QKI: variants seen among roughly 807,000 people sequenced by gnomAD.
QKI encodes KH domain-containing RNA-binding protein QKI.
QKI carries 10 observed loss-of-function variants against 39.0 expected under a neutral mutation model. The ratio of observed to expected loss-of-function variants is 0.26; its 90% CI spans 0.16 to 0.43. The LOEUF is 0.43. QKI is among the 20% of genes least tolerant of loss of function. The probability of loss-of-function intolerance (pLI) is 1.00; values close to 1 mark genes in which losing one functional copy is unlikely to be tolerated. For synonymous variants in QKI, 204 were observed against 155.4 expected, an observed-to-expected ratio of 1.31 and a Z score of -2.33; for missense variants, 218 against 428.0, an observed-to-expected ratio of 0.51 and a Z score of 4.33.
At chr6:163,525,301 T>TCC (rs1403544850) in intron 3 of QKI, among the ~76,000 whole-genome samples, 3 of 145,272 alleles carry the variant, frequency 2.1e-5, no homozygotes, top group Non-Finnish European at 4.5e-5. Context: ...TCTCTCTCTC[T>TCC]CCCCTCTCTC....
intron 1 of QKI, among the ~76,000 whole-genome samples, chr6:163,436,014 T>G (rs765266648): frequency 1.3e-5 from 2 of 152,186 alleles, no homozygotes; most frequent in Non-Finnish European, 2.9e-5. Flanking sequence ...CTATTTAAAG[T>G]GTTTAATCCA....
intron 3 of QKI, among the ~76,000 whole-genome samples, chr6:163,501,269 T>C (rs1456351330): frequency 7.7e-6 from 1 of 130,240 alleles, no homozygotes; most frequent in Non-Finnish European, 1.6e-5. Context: ...ATGGATGTGT[T>C]TTGAATGTTT....
At chr6:163,525,688 C>G (rs1780468346) in intron 3 of QKI, among the ~76,000 whole-genome samples, 1 of 152,026 alleles carries the variant, frequency 6.6e-6, no homozygotes, top group Non-Finnish European at 1.5e-5. Context: ...TTATTGTTTT[C>G]AATGAAATAA....
intron 2 of QKI, among the ~76,000 whole-genome samples, chr6:163,459,369 T>C (rs1791176197): frequency 6.6e-6 from 1 of 152,174 alleles, no homozygotes; most frequent in African/African-American, 2.4e-5. Flanking sequence ...GGGGGTACTA[T>C]TGGCATCTAG....
intron 1 of QKI, among the ~76,000 whole-genome samples, chr6:163,438,747 GT>G (rs1789503348): frequency 6.6e-6 from 1 of 151,918 alleles, no homozygotes; most frequent in African/African-American, 2.4e-5. Flanking sequence ...TGAGTGAGTG[GT>G]GAGTGAATGT....
Position 163,574,468 on chromosome 6 carries a change from G to C in QKI, c.*3758G>C, listed in dbSNP as rs1209542949. 1 of 152,146 alleles carries C rather than the reference G, an allele frequency of 6.6e-6. No individual in the cohort carries two copies. Among genetic ancestry groups the C allele is most frequent in the African/African-American group, 2.4e-5 (1 of 41,434 alleles). The allele number at this position is 152,146 out of a possible 1,614,324, so 9.4% of individuals were successfully genotyped here. ...CCCCGCTGCTTTCCAGTGAGGAAAA[G>C]AACCCTCAGCACGTTACTGAGCTTT... On this transcript the variant is annotated 3_prime_UTR_variant, in exon 8 of 8. Transcript: ENST00000361752.
chr6:163,577,157 G>A lies in QKI; in HGVS notation c.*6447G>A, dbSNP rs1237613449. On this transcript the variant is annotated 3_prime_UTR_variant, in exon 8 of 8. Coordinates refer to ENST00000361752, the MANE Select transcript of QKI (RefSeq NM_006775.3). ...TAACATCTAAATGTTATGACTCCTT[G>A]TACCTTAAGTTTTCCAGTCTTTCTT... 6.6e-6 allele frequency: 1 copy of A among 151,988 alleles called. No homozygotes were observed. Among genetic ancestry groups the A allele is most frequent in the Non-Finnish European group, 1.5e-5 (1 of 67,974 alleles). 9.4% of individuals were successfully genotyped at this position (151,988 alleles called of 1,614,324 possible). A position where few individuals can be genotyped will look rare whatever the true frequency, so the allele number is the denominator to read the frequency against.
intron 1 of QKI, among the ~76,000 whole-genome samples, chr6:163,432,592 G>A (rs1453522145): frequency 6.6e-6 from 1 of 151,904 alleles, no homozygotes; most frequent in Non-Finnish European, 1.5e-5. Flanking sequence ...TAAGAGACAG[G>A]GTCTCACGAT....
chr6:163,432,491 T>G (rs1291183539), intron 1 of QKI, among the ~76,000 whole-genome samples: 1 of 151,302 alleles, frequency 6.6e-6, no homozygotes, highest in Non-Finnish European at 1.5e-5. Flanking sequence ...ACTCCTGGGC[T>G]CAAGCGATCC....
intron 3 of QKI, among the ~76,000 whole-genome samples, chr6:163,508,518 TTCTTTCTTTCTTTC>T (rs1779236631): frequency 2.1e-5 from 1 of 47,058 alleles, no homozygotes; most frequent in African/African-American, 1.0e-4. Context: ...CTTTCTTTCT[TTCTTTCTTTCTTTC>T]TTTTTTTTTT....
intron 7 of QKI, chr6:163,567,387 G>A (rs1681302124): frequency 5.1e-6 from 5 of 984,914 alleles, no homozygotes; most frequent in Non-Finnish European, 2.4e-6. Flanking sequence ...ATAAATTAGA[G>A]CGTCAATTCC....
rs1014268880 is a variant in QKI at position 163,449,273 on chromosome 6, C to T, written c.143-6006C>T. 9.2e-5 allele frequency among the ~76,000 whole-genome samples: 14 copies of T among 152,222 alleles called. No individual in the cohort carries two copies. The East Asian group carries it at 2.3e-3, about 25-fold the overall frequency. On this transcript the variant is annotated intron_variant, in intron 1 of 7. Coordinates refer to ENST00000361752, the MANE Select transcript of QKI (RefSeq NM_006775.3). The stretch of plus-strand genomic sequence containing the variant: ...CAAATTATGTATGTGTTTATATATA[C>T]TTGTCGTTTTACTGACAACTAAGAT...
intron 2 of QKI, among the ~76,000 whole-genome samples, chr6:163,460,615 T>G (rs1791277518): frequency 6.6e-6 from 1 of 152,140 alleles, no homozygotes; most frequent in African/African-American, 2.4e-5. Flanking sequence ...AATTGGGTGT[T>G]GAGCTGGCGT....
chr6:163,473,001 GAAAT>G (rs746214839), intron 2 of QKI, among the ~76,000 whole-genome samples: 1 of 151,930 alleles, frequency 6.6e-6, no homozygotes, highest in Non-Finnish European at 1.5e-5. Context: ...TAGAAGGAAG[GAAAT>G]AAATGAAGAG....
At chr6:163,569,433 C>G (rs1783572814) in intron 7 of QKI, 1 of 1,275,686 alleles carries the variant, frequency 7.8e-7, no homozygotes, top group Non-Finnish European at 1.0e-6. Context: ...TCTCCTCTGC[C>G]TTAGTCACAA....
intron 3 of QKI, among the ~76,000 whole-genome samples, chr6:163,511,106 A>T (rs1173978962): frequency 1.3e-5 from 2 of 152,140 alleles, no homozygotes; most frequent in African/African-American, 2.4e-5. Context: ...TTAAATTTCA[A>T]GTATTTGGAA....
chr6:163,463,808 A>G (rs551894129), intron 2 of QKI, among the ~76,000 whole-genome samples: 5 of 152,220 alleles, frequency 3.3e-5, no homozygotes, highest in African/African-American at 4.8e-5. Context: ...GATCCAATGC[A>G]CAAGGCCTTT....
chr6:163,475,576 G>A (rs1792528031), intron 2 of QKI, among the ~76,000 whole-genome samples: 1 of 152,138 alleles, frequency 6.6e-6, no homozygotes, highest in African/African-American at 2.4e-5. Context: ...GGACGATTGT[G>A]TAGATAAATA....
intron 3 of QKI, among the ~76,000 whole-genome samples, chr6:163,513,390 CAAAA>C (rs1554270697): frequency 2.6e-5 from 4 of 151,998 alleles, no homozygotes; most frequent in African/African-American, 4.8e-5. Context: ...ATACACAAAA[CAAAA>C]AAGCAGATTA....
Sources: allele counts gnomAD v4.1 joint callset (sites outside exome capture counted in the v4.1 genomes callset), GRCh38; gene constraint gnomAD v4.1.1; transcripts MANE v1.5; gene names NCBI Gene and HGNC (gene_info 2026-07-23, HGNC 2026-07-21).